The following KCND2 variants were observed in gnomAD, a reference collection of about 807,000 sequenced individuals.
KCND2 encodes the protein potassium voltage-gated channel subfamily D member 2, also known as A-type voltage-gated potassium channel KCND2.
In KCND2, 16 loss-of-function variants were observed where a neutral mutation model predicts 54.4. That is an observed-to-expected ratio of 0.29 (90% CI 0.20 to 0.45). KCND2 has a LOEUF of 0.45. Among genes scored for constraint, KCND2 ranks in the 20% least tolerant of loss-of-function variants. KCND2 has a pLI of 1.00. For synonymous variants in KCND2, 317 were observed against 310.7 expected (o/e 1.02, Z -0.21); for missense variants, 486 against 824.2 (o/e 0.59, Z 5.02).
intron 1 of KCND2, among the ~76,000 whole-genome samples, chr7:120,586,232 A>G (rs1792599083): frequency 6.6e-6 from 1 of 152,082 alleles, no homozygotes; most frequent in Non-Finnish European, 1.5e-5. Context: ...AATGATGATA[A>G]CATTGCACCT....
rs550770818 is a variant in KCND2, at chr7:120,714,874, T to C, written c.1116-18029T>C. Among the ~76,000 whole-genome samples the C allele has an allele frequency of 2.0e-4, 30 of 148,898 alleles. 1 individual carries two copies. In the South Asian group the frequency reaches 6.2e-3, roughly 31 times the overall value. ...GTATCGGGTATATATATATATATAATACCCACACACACTTTTCAAGTTAAT... is the reference window on the plus strand; with the variant it reads ...GTATCGGGTATATATATATATATAACACCCACACACACTTTTCAAGTTAAT... On this transcript the variant is annotated intron_variant, in intron 1 of 5. Coordinates refer to ENST00000331113, the MANE Select transcript of KCND2 (RefSeq NM_012281.3).
intron 1 of KCND2, among the ~76,000 whole-genome samples, chr7:120,355,990 T>G (rs1323963119): frequency 1.3e-5 from 2 of 152,172 alleles, no homozygotes; most frequent in African/African-American, 2.4e-5. Flanking sequence ...CTTTGTTTTC[T>G]CTAATCTTGT....
intron 1 of KCND2, among the ~76,000 whole-genome samples, chr7:120,294,998 G>T (rs931004990): frequency 5.3e-5 from 8 of 151,732 alleles, no homozygotes; most frequent in African/African-American, 1.9e-4. Context: ...TCTGGGCATT[G>T]AATACATTTT....
At chr7:120,308,460 A>G (rs139378399) in intron 1 of KCND2, among the ~76,000 whole-genome samples, 196 of 152,238 alleles carry the variant, frequency 1.3e-3, no homozygotes, top group Non-Finnish European at 2.5e-3. Context: ...TTTTACAATT[A>G]TTTTTAACAG....
Position 120,275,496 on chromosome 7 carries a change from C to T in KCND2, c.864C>T (p.Ala288=). The change falls in exon 1 of 6, where the codon GCC becomes GCT. Residue 288 remains alanine, a synonymous_variant. Coordinates refer to ENST00000331113, the MANE Select transcript of KCND2 (RefSeq NM_012281.3). ...CAGACAATGAGGACGTCAGCGGAGC[C>T]TTTGTCACACTCCGAGTCTTCCGGG... ...VMTDNEDVSG[A]FVTLRVFRVF... is the part of the protein sequence containing the mutation. 3.7e-6 allele frequency: 6 copies of T among 1,612,466 alleles called. No individual in the cohort carries two copies. The highest frequency in any genetic ancestry group is 5.1e-6 in the Non-Finnish European group (6 of 1,179,174).
chr7:120,514,323 TA>T (rs1417196827), intron 1 of KCND2, among the ~76,000 whole-genome samples: 3 of 152,014 alleles, frequency 2.0e-5, no homozygotes, highest in African/African-American at 7.2e-5. Flanking sequence ...AATATTTTTC[TA>T]AAAAAACTGT....
intron 1 of KCND2, among the ~76,000 whole-genome samples, chr7:120,730,764 A>G (rs573280520): frequency 1.5e-3 from 221 of 152,272 alleles, no homozygotes; most frequent in Non-Finnish European, 2.1e-3. Flanking sequence ...ACTAGATAGT[A>G]TCACCTTCTG....
intron 1 of KCND2, among the ~76,000 whole-genome samples, chr7:120,563,178 C>A (rs1166104309): frequency 6.6e-6 from 1 of 152,052 alleles, no homozygotes; most frequent in Non-Finnish European, 1.5e-5. Context: ...AGCTTGATCA[C>A]CATTAGACAA....
At chr7:120,492,324 A>C (rs1220455801) in intron 1 of KCND2, among the ~76,000 whole-genome samples, 1 of 151,920 alleles carries the variant, frequency 6.6e-6, no homozygotes, top group Non-Finnish European at 1.5e-5. Context: ...CCACACCAAA[A>C]CTTGATGTAA....
intron 1 of KCND2, among the ~76,000 whole-genome samples, chr7:120,306,488 T>C (rs965980541): frequency 6.6e-6 from 1 of 151,984 alleles, no homozygotes; most frequent in African/African-American, 2.4e-5. Context: ...ACAAAACAAG[T>C]TGGAATACCC....
intron 1 of KCND2, among the ~76,000 whole-genome samples, chr7:120,594,768 T>C (rs1792713122): frequency 6.6e-6 from 1 of 152,114 alleles, no homozygotes; most frequent in Non-Finnish European, 1.5e-5. Flanking sequence ...ACGTCTGTAA[T>C]CCCAGCACTT....
At chr7:120,692,893 A>G (rs542819548) in intron 1 of KCND2, among the ~76,000 whole-genome samples, 2 of 152,348 alleles carry the variant, frequency 1.3e-5, no homozygotes, top group South Asian at 2.1e-4. Flanking sequence ...GATTGAACTT[A>G]GAGTTTCTGA....
intron 2 of KCND2, among the ~76,000 whole-genome samples, chr7:120,741,047 T>TAAA (rs74914740): frequency 7.3e-6 from 1 of 136,664 alleles, no homozygotes; most frequent in Non-Finnish European, 1.6e-5. Context: ...TAATGATTCT[T>TAAA]AAAAAAAAAA....
At chr7:120,734,733 G>A (rs1029629574) in intron 2 of KCND2, among the ~76,000 whole-genome samples, 9 of 152,154 alleles carry the variant, frequency 5.9e-5, no homozygotes, top group South Asian at 4.2e-4. Context: ...TGTCCTTTAA[G>A]GATAGTTTCA....
intron 1 of KCND2, among the ~76,000 whole-genome samples, chr7:120,477,075 T>C (rs746755874): frequency 2.0e-5 from 3 of 152,210 alleles, no homozygotes; most frequent in Admixed American, 2.0e-4. Flanking sequence ...GCTACAGATA[T>C]GTAAAAGAGC....
At chr7:120,487,314 A>G (rs1286949170) in intron 1 of KCND2, among the ~76,000 whole-genome samples, 2 of 152,180 alleles carry the variant, frequency 1.3e-5, no homozygotes, top group African/African-American at 4.8e-5. Context: ...GAGCTAAATA[A>G]CCAAAGCTTA....
intron 1 of KCND2, among the ~76,000 whole-genome samples, chr7:120,591,301 C>G (rs1256846417): frequency 1.3e-5 from 2 of 152,132 alleles, no homozygotes; most frequent in Non-Finnish European, 2.9e-5. Context: ...TCAGTGTTCA[C>G]TAAGTATCAT....
intron 1 of KCND2, among the ~76,000 whole-genome samples, chr7:120,340,308 T>C (rs953692819): frequency 6.6e-6 from 1 of 152,180 alleles, no homozygotes; most frequent in African/African-American, 2.4e-5. Context: ...GATATTACAA[T>C]AGGATTTCCA....
At chr7:120,498,799 T>A (rs894936026) in intron 1 of KCND2, among the ~76,000 whole-genome samples, 1 of 149,590 alleles carries the variant, frequency 6.7e-6, no homozygotes, top group African/African-American at 2.6e-5. Context: ...AAAAGTAAAA[T>A]AAAATAAAAT....
Sources: allele counts gnomAD v4.1 joint callset (sites outside exome capture counted in the v4.1 genomes callset), GRCh38; gene constraint gnomAD v4.1.1; transcripts MANE v1.5; gene names NCBI Gene and HGNC (gene_info 2026-07-23, HGNC 2026-07-21).